The following GON4L variants were observed in gnomAD, a reference collection of about 807,000 sequenced individuals.
GON4L encodes the protein GON-4-like protein.
A neutral mutation model predicts 211.8 loss-of-function variants in GON4L; 87 were observed. The observed-to-expected ratio is 0.41, with a 90% CI of 0.35 to 0.49. The LOEUF is 0.49. Ranked by LOEUF, GON4L falls within the 20% of genes least tolerant of loss-of-function variation. The pLI is 0.15. For missense variants in GON4L, 2,155 were observed against 2,659.5 expected (o/e 0.81, Z 4.17); for synonymous variants, 875 against 962.6 (o/e 0.91, Z 1.68).
At chr1:155,771,362 C>T (rs1663173264) in intron 18 of GON4L, 145 bp from the exon 19 acceptor site, 7 of 1,049,196 alleles carry the variant, frequency 6.7e-6, no homozygotes, top group Non-Finnish European at 9.9e-6. Context: ...AGTGCAGTGG[C>T]ACCATCGCAG....
chr1:155,817,260 C>CT (rs1263947976), intron 6 of GON4L, among the ~76,000 whole-genome samples: 2 of 152,154 alleles, frequency 1.3e-5, no homozygotes, highest in Non-Finnish European at 2.9e-5. Flanking sequence ...TCTCAAAGCA[C>CT]TGGGATTATA....
intron 2 of GON4L, among the ~76,000 whole-genome samples, chr1:155,836,500 G>C (rs908355558): frequency 1.3e-5 from 2 of 152,076 alleles, no homozygotes; most frequent in Non-Finnish European, 2.9e-5. Context: ...CCCCCGCCTC[G>C]GCCTCCCAGA....
In GON4L at chr1:155,844,177, A is replaced by G. The variant is rs56347330; in HGVS notation, c.505+9099T>C. On this transcript the variant is annotated intron_variant, in intron 2 of 31. Transcript: ENST00000368331. ...ATACCACAAGTCAATGCTAAGAAAC[A>G]TAACTCAGGCCCTAGAATCTCTGGC... Among the ~76,000 whole-genome samples the G allele has an allele frequency of 7.5e-3, 1,143 of 152,328 alleles. 7 individuals carry two copies. Among genetic ancestry groups the G allele is most frequent in the Non-Finnish European group, 0.011 (771 of 68,032 alleles).
Position 155,855,685 on chromosome 1 carries a change from T to C in GON4L, c.-27+1462A>G, listed in dbSNP as rs553146141. Among the ~76,000 whole-genome samples the C allele has an allele frequency of 2.0e-5, 3 of 152,234 alleles. No individual in the cohort carries two copies. The South Asian group carries it at 6.2e-4, about 32-fold the overall frequency. ...CATTTGGGCCAAATGTTAAGCATTATATAAAAACTGATAGTGGCTTGGTGC... is the reference window on the plus strand; with the variant it reads ...CATTTGGGCCAAATGTTAAGCATTACATAAAAACTGATAGTGGCTTGGTGC... On this transcript the variant is annotated intron_variant, in intron 1 of 31. Transcript: ENST00000368331.
rs375052449 is a variant in GON4L, at chr1:155,849,761, G to A, written c.505+3515C>T. Among the ~76,000 whole-genome samples the A allele has an allele frequency of 1.7e-4, 17 of 98,250 alleles. 1 individual carries two copies. In the East Asian group the frequency reaches 2.6e-3, roughly 15 times the overall value. The allele number at this position is 98,250 out of a possible 152,430, so 64.5% of individuals were successfully genotyped here. On this transcript the variant is annotated intron_variant, in intron 2 of 31. Transcript: ENST00000368331. ...TGCCCTCCAGCCTGGGCAACAGAAC[G>A]AGACTCCGTCTCAAAAAAAAAAAAA... is the stretch of plus-strand genomic sequence containing the variant.
rs538401806 is a variant in GON4L, at chr1:155,787,392, T to C, written c.1748-2018A>G. Among the ~76,000 whole-genome samples the C allele has an allele frequency of 6.2e-4, 95 of 152,134 alleles. 1 individual carries two copies. The highest frequency in any genetic ancestry group is 1.2e-3 in the South Asian group (6 of 4,824). On this transcript the variant is annotated intron_variant, in intron 12 of 31. Transcript: ENST00000368331. ...GGGCTCATAACCAACAAGGCAAACA[T>C]ATCACTGAACTAGAGCAGAGTCTAA...
rs1456966124 is a variant in GON4L at position 155,815,801 on chromosome 1, T to C, written c.1161+4A>G. ...ACAAATATTACCAACTAACATTCACTGACCTCTTCAGCAGTTTCATCTTCT... is the reference window on the plus strand; with the variant it reads ...ACAAATATTACCAACTAACATTCACCGACCTCTTCAGCAGTTTCATCTTCT... On this transcript the variant is annotated splice_donor_region_variant and intron_variant, in intron 8 of 31. Transcript: ENST00000368331. The C allele has an allele frequency of 2.6e-6, 4 of 1,525,906 alleles. No individual in the cohort carries two copies. The East Asian group carries it at 9.0e-5, about 34-fold the overall frequency. 94.5% of individuals were successfully genotyped at this position (1,525,906 alleles called of 1,614,324 possible). A position where few individuals can be genotyped will look rare whatever the true frequency, so the allele number is the denominator to read the frequency against.
intron 31 of GON4L, among the ~76,000 whole-genome samples, chr1:155,751,063 C>T (rs1248112492): frequency 6.6e-6 from 1 of 152,184 alleles, no homozygotes; most frequent in Non-Finnish European, 1.5e-5. Context: ...TGCGCCCAGC[C>T]TCACTGATGC....
intron 15 of GON4L, among the ~76,000 whole-genome samples, chr1:155,777,377 G>A (rs57510053): frequency 6.6e-6 from 1 of 152,232 alleles, no homozygotes; most frequent in East Asian, 1.9e-4. Flanking sequence ...TCAGGAGTTC[G>A]AGACCAGCCT....
chr1:155,840,206 C>G (rs926198358), intron 2 of GON4L, among the ~76,000 whole-genome samples: 1 of 152,154 alleles, frequency 6.6e-6, no homozygotes, highest in African/African-American at 2.4e-5. Flanking sequence ...CTGCTATATT[C>G]AAAACCTTGA....
Position 155,752,084 on chromosome 1 carries a change from T to C in GON4L, c.6349A>G (p.Lys2117Glu), listed in dbSNP as rs1247126694. The C allele has an allele frequency of 1.2e-6, 2 of 1,613,628 alleles. No homozygotes were observed. The highest frequency in any genetic ancestry group is 1.7e-5 in the Admixed American group (1 of 59,988). ...CCCTTGGCCTGTGTTCCACTGTCTT[T>C]AGCCAAACCCCCTCTAGGGGCTTTG... is the stretch of plus-strand genomic sequence containing the variant. ...SPKAPRGGLA[K>E]DSGTQAKGPE... Residue 2117 changes from lysine to glutamate, a missense_variant, in exon 30 of 32, where the codon AAA becomes GAA. Lys to Glu is a moderately conservative substitution (Grantham distance 56). Transcript: ENST00000368331.
intron 2 of GON4L, among the ~76,000 whole-genome samples, chr1:155,828,246 T>C (rs988733284): frequency 1.3e-5 from 2 of 152,024 alleles, no homozygotes; most frequent in African/African-American, 2.4e-5. Context: ...CTCAGCACTA[T>C]GGAAGGCTGA....
chr1:155,760,422 C>CT lies in GON4L; in HGVS notation c.5109+21dup. ...ACTCTGACCCAGGAGTCCCAGTGTA[C>CT]TTTTTTTCCCCATTCACTTACTAAT... is the stretch of plus-strand genomic sequence containing the variant. On this transcript the variant is annotated intron_variant, in intron 24 of 31. Transcript: ENST00000368331. 6 of 1,518,624 alleles carry CT rather than the reference C, an allele frequency of 4.0e-6. No individual in the cohort carries two copies. In the African/African-American group the frequency reaches 5.5e-5, roughly 14 times the overall value. The allele number at this position is 1,518,624 out of a possible 1,614,324, so 94.1% of individuals were successfully genotyped here.
chr1:155,814,680 A>ATTCTCCAGGAGATGCAACCTCCAT (rs1668085777), intron 8 of GON4L, among the ~76,000 whole-genome samples: 1 of 151,924 alleles, frequency 6.6e-6, no homozygotes, highest in Non-Finnish European at 1.5e-5. Context: ...CAGGAGATGG[A>ATTCTCCAGGAGATGCAACCTCCAT]GGTTGCAGTG....
rs537620645 is a variant in GON4L at position 155,840,572 on chromosome 1, G to A, written c.505+12704C>T. 2.0e-5 allele frequency among the ~76,000 whole-genome samples: 3 copies of A among 152,246 alleles called. No individual in the cohort carries two copies. The South Asian group carries it at 6.2e-4, about 32-fold the overall frequency. ...ATTACCACTGCCAGCCCTTTAAAAAGTTCCTTATCGGGTGCTATTAACTAA... is the reference window on the plus strand; with the variant it reads ...ATTACCACTGCCAGCCCTTTAAAAAATTCCTTATCGGGTGCTATTAACTAA... On this transcript the variant is annotated intron_variant, in intron 2 of 31. Coordinates refer to ENST00000368331, the MANE Select transcript of GON4L (RefSeq NM_001282860.2).
rs1403182682 is a variant in GON4L, at chr1:155,763,304, T to C, written c.4726+8A>G. The C allele has an allele frequency of 1.9e-6, 3 of 1,613,648 alleles. No individual in the cohort carries two copies. The highest frequency in any genetic ancestry group is 1.7e-5 in the Admixed American group (1 of 60,020). ...AATGGTCCTTCAGTATAGGTTTGCC[T>C]AGCTCACCTGGTGGAGTTCTGCTGG... On this transcript the variant is annotated splice_region_variant and intron_variant, in intron 22 of 31. Transcript: ENST00000368331.
chr1:155,827,820 T>C (rs1224336095), intron 2 of GON4L, among the ~76,000 whole-genome samples: 1 of 151,682 alleles, frequency 6.6e-6, no homozygotes, highest in African/African-American at 2.4e-5. Flanking sequence ...CTGAGCAACA[T>C]ATCGAGGCTT....
At chr1:155,826,290 C>T (rs994688832) in intron 3 of GON4L, among the ~76,000 whole-genome samples, 1 of 151,650 alleles carries the variant, frequency 6.6e-6, no homozygotes, top group African/African-American at 2.4e-5. Context: ...ACTGGCTAGG[C>T]GCAGTGGCTC....
At chr1:155,855,260 G>A (rs1241696514) in intron 1 of GON4L, among the ~76,000 whole-genome samples, 2 of 151,966 alleles carry the variant, frequency 1.3e-5, no homozygotes, top group Non-Finnish European at 2.9e-5. Context: ...GTTTTGTAAT[G>A]GTCTCTCATC....
Sources: gnomAD v4.1 joint callset for allele counts (sites outside exome capture counted in the v4.1 genomes callset) on GRCh38, gnomAD v4.1.1 for gene constraint, MANE v1.5 for transcripts, NCBI Gene and HGNC (gene_info 2026-07-23, HGNC 2026-07-21) for gene names.